The following AFF3 variants were observed in gnomAD, a reference collection of about 807,000 sequenced individuals.
The protein encoded by AFF3 is AF4/FMR2 family member 3.
AFF3 carries 32 observed loss-of-function variants against 129.7 expected under a neutral mutation model. The observed-to-expected ratio is 0.25, with a 90% CI of 0.19 to 0.33. AFF3 has a LOEUF of 0.33. Ranked by LOEUF, AFF3 falls within the 10% of genes least tolerant of loss-of-function variation. The pLI, the probability that AFF3 is intolerant of heterozygous loss-of-function variation, is 1.00. For synonymous variants in AFF3, 644 were observed against 635.4 expected, an observed-to-expected ratio of 1.01 and a Z score of -0.20; for missense variants, 1,373 against 1,592.0, an observed-to-expected ratio of 0.86 and a Z score of 2.34.
intron 7 of AFF3, among the ~76,000 whole-genome samples, chr2:99,928,695 A>C (rs934348993): frequency 6.6e-6 from 1 of 152,208 alleles, no homozygotes; most frequent in Non-Finnish European, 1.5e-5. Flanking sequence ...CACAGAAAGG[A>C]ACCAGAAAAC....
At chr2:99,622,806 G>A (rs1443556488) in intron 13 of AFF3, among the ~76,000 whole-genome samples, 1 of 152,226 alleles carries the variant, frequency 6.6e-6, no homozygotes, top group Non-Finnish European at 1.5e-5. Context: ...TCAGACCATG[G>A]GGTCAGTGGA....
intron 8 of AFF3, among the ~76,000 whole-genome samples, chr2:99,777,327 T>C (rs1402700345): frequency 6.6e-6 from 1 of 152,108 alleles, no homozygotes; most frequent in Non-Finnish European, 1.5e-5. Flanking sequence ...CTCCACAACG[T>C]TTGCTTGATC....
At chr2:99,844,012 A>C (rs1197517772) in intron 7 of AFF3, among the ~76,000 whole-genome samples, 1 of 152,144 alleles carries the variant, frequency 6.6e-6, no homozygotes, top group African/African-American at 2.4e-5. Context: ...CCTGGATGAC[A>C]CAGTGAGACT....
chr2:99,863,645 G>A lies in AFF3; in HGVS notation c.874-26121C>T, dbSNP rs554103141. Among the ~76,000 whole-genome samples, 8 of 152,262 alleles carry A rather than the reference G, an allele frequency of 5.3e-5. No homozygotes were observed. In the East Asian group the frequency reaches 1.3e-3, roughly 26 times the overall value. On this transcript the variant is annotated intron_variant, in intron 7 of 24. Coordinates refer to ENST00000672756, the MANE Select transcript of AFF3 (RefSeq NM_001386135.1). ...CAAGATACAATCAATATTATTTAAT[G>A]GAGACTAATTTACCCACACGGCAGA...
rs1678905046 is a variant in AFF3, at chr2:99,593,209, T to C, written c.2452A>G (p.Lys818Glu). The C allele has an allele frequency of 6.9e-6, 11 of 1,585,690 alleles. No homozygotes were observed. The highest frequency in any genetic ancestry group is 9.5e-6 in the Non-Finnish European group (11 of 1,163,502). The change falls in exon 15 of 25, where the codon AAG becomes GAG. Residue 818 changes from lysine to glutamate, a missense_variant. Physicochemically the swap from Lys to Glu is moderately conservative, Grantham distance 56. Transcript: ENST00000672756. ...TPAEKALPKS[K>E]RKRKCDNEDD... The stretch of plus-strand genomic sequence containing the variant: ...CCCAGGCCTACCTTGCGTTTCCTCT[T>C]GGATTTTGGCAAAGCCTTTTCTGCA...
chr2:99,725,411 T>C lies in AFF3; in HGVS notation c.1091+1666A>G, dbSNP rs1423333322. 2.0e-5 allele frequency among the ~76,000 whole-genome samples: 3 copies of C among 152,222 alleles called. No homozygotes were observed. The East Asian group carries it at 5.8e-4, about 29-fold the overall frequency. ...CTTTGTCACCCAGGCTGGAGCACAG[T>C]GGCATGATCCTGGGTTTAAGCTATT... On this transcript the variant is annotated intron_variant, in intron 11 of 24. Transcript: ENST00000672756.
chr2:99,601,548 CGCTGCTGCTGCTGCTGCT>C lies in AFF3; in HGVS notation c.1240_1257del (p.Ser414_Ser419del), dbSNP rs756251519. ...GAGTCGCTGGAGGAGCTGCTGCTGC[CGCTGCTGCTGCTGCTGCT>C]GCTGCCCTTGCTGGAAGGCACCGAG... On this transcript the variant is annotated inframe_deletion, in exon 14 of 25. Transcript: ENST00000672756. 3 of 1,598,838 alleles carry C rather than the reference CGCTGCTGCTGCTGCTGCT, an allele frequency of 1.9e-6. No individual in the cohort carries two copies. The highest frequency in any genetic ancestry group is 1.3e-5 in the African/African-American group (1 of 74,842).
intron 11 of AFF3, among the ~76,000 whole-genome samples, chr2:99,683,763 G>T (rs781763169): frequency 2.0e-5 from 3 of 152,058 alleles, no homozygotes; most frequent in Non-Finnish European, 4.4e-5. Context: ...TTAATTTCTC[G>T]ACCACCTCCG....
intron 7 of AFF3, among the ~76,000 whole-genome samples, chr2:99,868,627 A>G (rs1691625981): frequency 6.6e-6 from 1 of 152,156 alleles, no homozygotes; most frequent in Admixed American, 6.5e-5. Context: ...GATGATCCAG[A>G]GGCTTTTTGA....
At position 99,569,307 on chromosome 2, in the gene AFF3, C is replaced by T. The variant is rs72966211; in HGVS notation, c.2919-392G>A. 3.2e-3 allele frequency among the ~76,000 whole-genome samples: 492 copies of T among 151,900 alleles called. 4 individuals carry two copies. Among genetic ancestry groups the T allele is most frequent in the African/African-American group, 0.011 (458 of 41,406 alleles). ...AATATACCTCATAATAATTGTATGG[C>T]TATATATGGGTGAGTATATTTATGT... On this transcript the variant is annotated intron_variant, in intron 18 of 24. Coordinates refer to ENST00000672756, the MANE Select transcript of AFF3 (RefSeq NM_001386135.1).
At chr2:99,951,079 T>C (rs1676121303) in intron 7 of AFF3, among the ~76,000 whole-genome samples, 1 of 152,168 alleles carries the variant, frequency 6.6e-6, no homozygotes, top group Admixed American at 6.5e-5. Context: ...AAAAATTTAT[T>C]CTATAGCTTA....
chr2:99,845,304 T>C (rs1689641305), intron 7 of AFF3, among the ~76,000 whole-genome samples: 1 of 152,220 alleles, frequency 6.6e-6, no homozygotes. Flanking sequence ...GGTATTTCAA[T>C]TATGTTATTA....
At chr2:100,072,641 T>G (rs1688286683) in intron 4 of AFF3, among the ~76,000 whole-genome samples, 1 of 152,046 alleles carries the variant, frequency 6.6e-6, no homozygotes, top group South Asian at 2.1e-4. Flanking sequence ...AGGGAGGTGC[T>G]CACAACAAAC....
chr2:99,965,747 T>C lies in AFF3; in HGVS notation c.873+40885A>G, dbSNP rs1370379366. 2.0e-5 allele frequency among the ~76,000 whole-genome samples: 3 copies of C among 152,186 alleles called. No individual in the cohort carries two copies. In the East Asian group the frequency reaches 5.8e-4, roughly 29 times the overall value. On this transcript the variant is annotated intron_variant, in intron 7 of 24. Transcript: ENST00000672756. Reference sequence around the variant, plus strand: ...AGCCCAAGGCCCAGCCTATGGGCTGTGAGAAATTCACCACTGAAATGGCAC... The same window carrying C: ...AGCCCAAGGCCCAGCCTATGGGCTGCGAGAAATTCACCACTGAAATGGCAC...
intron 7 of AFF3, among the ~76,000 whole-genome samples, chr2:99,895,349 G>A (rs1197718461): frequency 6.6e-6 from 1 of 152,202 alleles, no homozygotes; most frequent in African/African-American, 2.4e-5. Context: ...TTTTTAAAGT[G>A]TTTTTTAAGT....
intron 2 of AFF3, among the ~76,000 whole-genome samples, chr2:100,126,462 T>C (rs1692196684): frequency 6.6e-6 from 1 of 152,328 alleles, no homozygotes; most frequent in African/African-American, 2.4e-5. Context: ...GCACAAATGC[T>C]GCACGGGGAT....
chr2:99,559,030 T>TA (rs1675221676), intron 21 of AFF3, 62 bp from the exon 22 acceptor site: 2 of 1,477,686 alleles, frequency 1.4e-6, no homozygotes, highest in African/African-American at 2.8e-5. Context: ...AAACAAGACT[T>TA]AAACATTTTT....
intron 7 of AFF3, among the ~76,000 whole-genome samples, chr2:99,980,702 T>C (rs1679324768): frequency 6.6e-6 from 1 of 152,248 alleles, no homozygotes; most frequent in Non-Finnish European, 1.5e-5. Context: ...CACTGTATTG[T>C]ATTTAACCAA....
chr2:99,896,641 T>TTTTTTC (rs1693981927), intron 7 of AFF3, among the ~76,000 whole-genome samples: 1 of 123,036 alleles, frequency 8.1e-6, no homozygotes. Context: ...TTTTTTTTTT[T>TTTTTTC]TTTTTTTTTT....
Sources: gnomAD v4.1 joint callset for allele counts (sites outside exome capture counted in the v4.1 genomes callset) on GRCh38, gnomAD v4.1.1 for gene constraint, MANE v1.5 for transcripts, NCBI Gene and HGNC (gene_info 2026-07-23, HGNC 2026-07-21) for gene names.